RPS6KA2: variants seen among roughly 807,000 people sequenced by gnomAD.
RPS6KA2 encodes the protein ribosomal protein S6 kinase A2.
In RPS6KA2, 42 loss-of-function variants were observed where a neutral mutation model predicts 91.8. The observed-to-expected ratio is 0.46, with a 90% CI of 0.36 to 0.59. The LOEUF is 0.59. RPS6KA2 is among the 20% of genes least tolerant of loss of function. RPS6KA2 has a pLI of 0.00. For synonymous variants in RPS6KA2, 414 were observed against 393.6 expected (o/e 1.05, Z -0.61); for missense variants, 798 against 978.5 (o/e 0.82, Z 2.46).
In RPS6KA2 at chr6:166,821,856, C is replaced by A. The variant is rs1278973575; in HGVS notation, c.123+36344G>T. Among the ~76,000 whole-genome samples the A allele has an allele frequency of 6.6e-6, 1 of 152,120 alleles. No homozygotes were observed. The highest frequency in any genetic ancestry group is 1.5e-5 in the Non-Finnish European group (1 of 68,022). ...AGTTAACGTTGTTGTGTTGGATTCC[C>A]CACTCAGACACGCTCTTCTCTCCTT... On this transcript the variant is annotated intron_variant, in intron 2 of 21. Transcript: ENST00000503859. The surrounding 1 kb of genome is among the most constrained non-coding windows in gnomAD (Gnocchi z 4.1).
At chr6:166,759,382 C>A (rs1001345656) in intron 2 of RPS6KA2, among the ~76,000 whole-genome samples, 6 of 152,198 alleles carry the variant, frequency 3.9e-5, no homozygotes, top group African/African-American at 1.4e-4. Context: ...GAGAATAGAG[C>A]ACGGTTTGTT....
chr6:166,531,279 G>C lies in RPS6KA2; in HGVS notation c.251C>G (p.Ala84Gly), dbSNP rs142745071. The part of the protein sequence containing the change: ...FLVRKVKGSD[A>G]GQLYAMKVLK... Reference sequence around the variant, plus strand: ...GACCTTCATGGCGTAGAGCTGCCCAGCGTCGGACCCCTTCACCTTCCTCAC... The same window carrying C: ...GACCTTCATGGCGTAGAGCTGCCCACCGTCGGACCCCTTCACCTTCCTCAC... Residue 84 changes from alanine (A) to glycine (G), a missense_variant, in exon 3 of 21, where the codon GCT becomes GGT. Transcript: ENST00000265678. 6 of 1,614,032 alleles carry C rather than the reference G, an allele frequency of 3.7e-6. No individual in the cohort carries two copies. Among genetic ancestry groups the C allele is most frequent in the African/African-American group, 1.3e-5 (1 of 74,930 alleles).
At chr6:166,723,449 G>A (rs1583051243) in intron 2 of RPS6KA2, among the ~76,000 whole-genome samples, 1 of 152,142 alleles carries the variant, frequency 6.6e-6, no homozygotes, top group Non-Finnish European at 1.5e-5. Flanking sequence ...CACCCCAGGG[G>A]GGTCCCACAT....
At chr6:166,501,018 G>A in intron 6 of RPS6KA2, 94 bp from the exon 7 acceptor site, 1 of 1,200,000 alleles carries the variant, frequency 8.3e-7, no homozygotes. Flanking sequence ...GGGCAGCTGG[G>A]GGCGGACGTT....
chr6:166,555,354 A>G (rs1215554646), intron 1 of RPS6KA2, among the ~76,000 whole-genome samples: 1 of 152,170 alleles, frequency 6.6e-6, no homozygotes, highest in African/African-American at 2.4e-5. Flanking sequence ...TTGGAGCCAT[A>G]AAGCTTTTGT....
chr6:166,855,484 GAA>G (rs1780874590), intron 2 of RPS6KA2, among the ~76,000 whole-genome samples: 1 of 128,418 alleles, frequency 7.8e-6, no homozygotes, highest in Non-Finnish European at 1.6e-5. Context: ...GGAAGAAGAA[GAA>G]GAGGAAGAAG....
rs1449554736 is a variant in RPS6KA2, at chr6:166,733,590, TG to T, written c.123+124609del. ...ATAATCTTAATTTTATCTTGTAGCA[TG>T]TATGTATGGAAGCCAGTGCCAGTCT... On this transcript the variant is annotated intron_variant, in intron 2 of 21. Coordinates refer to the RPS6KA2 transcript ENST00000503859. This position sits in a 1 kb window ranked among gnomAD's most constrained non-coding sequence, Gnocchi z 4.1. 6.6e-6 allele frequency among the ~76,000 whole-genome samples: 1 copy of T among 152,152 alleles called. No individual in the cohort carries two copies. The highest frequency in any genetic ancestry group is 1.5e-5 in the Non-Finnish European group (1 of 68,026).
intron 11 of RPS6KA2, among the ~76,000 whole-genome samples, chr6:166,465,580 C>T (rs1242525392): frequency 1.3e-5 from 2 of 152,306 alleles, no homozygotes; most frequent in African/African-American, 4.8e-5. Context: ...GCAGTTTACG[C>T]GGTGTCCTGA....
chr6:166,622,738 G>C (rs6456097), intron 1 of RPS6KA2, among the ~76,000 whole-genome samples: 33,200 of 152,116 alleles, frequency 0.22, 3,900 homozygotes, highest in African/African-American at 0.32. Context: ...TATATGTACA[G>C]ATAGATGAAT....
rs1321042435 is a variant in RPS6KA2 at position 166,490,004 on chromosome 6, G to C, written c.818+667C>G. 1.3e-5 allele frequency among the ~76,000 whole-genome samples: 2 copies of C among 152,092 alleles called. No individual in the cohort carries two copies. The highest frequency in any genetic ancestry group is 2.9e-5 in the Non-Finnish European group (2 of 68,032). On this transcript the variant is annotated intron_variant, in intron 9 of 20. Coordinates refer to ENST00000265678, the MANE Select transcript of RPS6KA2 (RefSeq NM_021135.6). The surrounding 1 kb of genome is among the most constrained non-coding windows in gnomAD (Gnocchi z 4.2). ...TCCTGCCCTCCTGCTGTCTGCTCTG[G>C]GACAGTGATAGTCAGTGGTGTCTGC...
chr6:166,597,736 T>C (rs888860741), intron 1 of RPS6KA2, among the ~76,000 whole-genome samples: 12 of 152,320 alleles, frequency 7.9e-5, no homozygotes, highest in African/African-American at 2.9e-4. Flanking sequence ...AATGACCATT[T>C]CATATTATTA....
chr6:166,654,217 G>C (rs1040214348), intron 2 of RPS6KA2, among the ~76,000 whole-genome samples: 1 of 152,188 alleles, frequency 6.6e-6, no homozygotes, highest in Non-Finnish European at 1.5e-5. Context: ...TAATGACAGA[G>C]AACAATGTAC....
intron 1 of RPS6KA2, 31 bp from the exon 2 acceptor site, chr6:166,538,815 A>G: frequency 8.2e-7 from 1 of 1,223,312 alleles, no homozygotes; most frequent in Non-Finnish European, 1.2e-6. Context: ...TGAGAAACAC[A>G]CCGCGAGGAG....
chr6:166,785,258 G>T (rs1421477299), intron 2 of RPS6KA2, among the ~76,000 whole-genome samples: 1 of 152,174 alleles, frequency 6.6e-6, no homozygotes, highest in African/African-American at 2.4e-5. Flanking sequence ...GAGGGACTTG[G>T]CGCTTCTTCT....
At chr6:166,813,258 A>G (rs1451996308) in intron 2 of RPS6KA2, among the ~76,000 whole-genome samples, 2 of 152,172 alleles carry the variant, frequency 1.3e-5, no homozygotes, top group Non-Finnish European at 2.9e-5. Flanking sequence ...AGCAGCAGCC[A>G]GGGCTCCGAT....
chr6:166,854,428 C>G (rs1780830497), intron 2 of RPS6KA2, among the ~76,000 whole-genome samples: 1 of 152,232 alleles, frequency 6.6e-6, no homozygotes, highest in Non-Finnish European at 1.5e-5. Context: ...AAAGTACTCA[C>G]AAGTTGGAGT....
chr6:166,412,606 C>A lies in RPS6KA2; in HGVS notation c.*156G>T. 1 of 728,292 alleles carries A rather than the reference C, an allele frequency of 1.4e-6. No homozygotes were observed. The highest frequency in any genetic ancestry group is 2.1e-6 in the Non-Finnish European group (1 of 466,390). The allele number at this position is 728,292 out of a possible 1,614,324, so 45.1% of individuals were successfully genotyped here. Reference sequence around the variant, plus strand: ...GGAGAAGCCCCCAGGTCAGGACCCTCTCCGGGGCTGAAAAAGAAAACACGG... The same window carrying A: ...GGAGAAGCCCCCAGGTCAGGACCCTATCCGGGGCTGAAAAAGAAAACACGG... On this transcript the variant is annotated 3_prime_UTR_variant, in exon 21 of 21. Coordinates refer to ENST00000265678, the MANE Select transcript of RPS6KA2 (RefSeq NM_021135.6). This position sits in a 1 kb window ranked among gnomAD's most constrained non-coding sequence, Gnocchi z 4.3.
At chr6:166,720,844 TG>T (rs1394295982) in intron 2 of RPS6KA2, among the ~76,000 whole-genome samples, 1 of 152,348 alleles carries the variant, frequency 6.6e-6, no homozygotes, top group Non-Finnish European at 1.5e-5. Flanking sequence ...AGGCCGTACC[TG>T]CCTAGCTGCC....
intron 1 of RPS6KA2, among the ~76,000 whole-genome samples, chr6:166,573,536 TC>T (rs764938580): frequency 2.2e-4 from 34 of 152,236 alleles, no homozygotes; most frequent in Non-Finnish European, 5.0e-4. Flanking sequence ...TCCAGGTGCC[TC>T]CCTGCAGAAT....
Sources: allele counts gnomAD v4.1 joint callset (sites outside exome capture counted in the v4.1 genomes callset), GRCh38; gene constraint gnomAD v4.1.1; non-coding constraint Gnocchi (gnomAD v3.1); transcripts MANE v1.5; gene names NCBI Gene and HGNC (gene_info 2026-07-23, HGNC 2026-07-21).